The following SLC24A2 variants were observed in gnomAD, a reference collection of about 807,000 sequenced individuals.
The protein encoded by SLC24A2 is sodium/potassium/calcium exchanger 2.
In SLC24A2, 36 loss-of-function variants were observed where a neutral mutation model predicts 62.0. The ratio of observed to expected loss-of-function variants is 0.58; its 90% CI spans 0.44 to 0.77. The LOEUF (loss-of-function observed/expected upper bound fraction) is 0.77. SLC24A2 is among the 30% of genes least tolerant of loss of function. SLC24A2 has a pLI of 0.00. For synonymous variants in SLC24A2, 358 were observed against 294.0 expected, an observed-to-expected ratio of 1.22 and a Z score of -2.23; for missense variants, 846 against 817.9, an observed-to-expected ratio of 1.03 and a Z score of -0.42.
At chr9:20,181,888 T>A in the SLC24A2 span, among the ~76,000 whole-genome samples, 1 of 152,202 alleles carries the variant, frequency 6.6e-6, no homozygotes, top group Non-Finnish European at 1.5e-5. Flanking sequence ...TCTATCCATC[T>A]GACAAAGGGC....
At chr9:20,215,272 G>C in the SLC24A2 span, among the ~76,000 whole-genome samples, 1 of 152,082 alleles carries the variant, frequency 6.6e-6, no homozygotes, top group African/African-American at 2.4e-5. Context: ...ACACGCCAAA[G>C]GTCTCACATT....
chr9:19,641,358 C>T (rs1460660778), intron 2 of SLC24A2, among the ~76,000 whole-genome samples: 1 of 152,226 alleles, frequency 6.6e-6, no homozygotes, highest in African/African-American at 2.4e-5. Flanking sequence ...TGCCAACTCA[C>T]CATTTCTATT....
At chr9:20,014,210 C>T in the SLC24A2 span, among the ~76,000 whole-genome samples, 2 of 151,350 alleles carry the variant, frequency 1.3e-5, no homozygotes, top group African/African-American at 2.4e-5. Flanking sequence ...CATGTCTCAG[C>T]GGGGGAAAAA....
chr9:20,234,384 C>G, the SLC24A2 span, among the ~76,000 whole-genome samples: 4 of 152,210 alleles, frequency 2.6e-5, no homozygotes, highest in Non-Finnish European at 5.9e-5. Flanking sequence ...TAGATTTGGT[C>G]TTTTCACATA....
At chr9:19,874,984 C>T in the SLC24A2 span, among the ~76,000 whole-genome samples, 2 of 121,982 alleles carry the variant, frequency 1.6e-5, no homozygotes, top group Non-Finnish European at 3.3e-5. Flanking sequence ...CTAACTTTAT[C>T]TTCCAGAATT....
the SLC24A2 span, among the ~76,000 whole-genome samples, chr9:19,986,264 T>C: frequency 6.6e-6 from 1 of 152,062 alleles, no homozygotes; most frequent in African/African-American, 2.4e-5. Flanking sequence ...AATCAAAAAC[T>C]AGAAAATAAG....
chr9:20,175,850 C>T, the SLC24A2 span, among the ~76,000 whole-genome samples: 1 of 152,012 alleles, frequency 6.6e-6, no homozygotes, highest in African/African-American at 2.4e-5. Context: ...AGATAAATAA[C>T]TGTATGATGG....
At chr9:20,140,586 C>A in the SLC24A2 span, among the ~76,000 whole-genome samples, 2 of 152,192 alleles carry the variant, frequency 1.3e-5, no homozygotes, top group East Asian at 1.9e-4. Flanking sequence ...GCTCTCAGTT[C>A]ATCAGCTATC....
At chr9:19,633,373 A>G (rs1000048642) in intron 2 of SLC24A2, among the ~76,000 whole-genome samples, 7 of 152,224 alleles carry the variant, frequency 4.6e-5, no homozygotes, top group African/African-American at 1.4e-4. Flanking sequence ...AAAACTGCCA[A>G]ACTATTTTCC....
At chr9:19,705,953 T>C (rs1228995256) in intron 2 of SLC24A2, among the ~76,000 whole-genome samples, 1 of 151,978 alleles carries the variant, frequency 6.6e-6, no homozygotes, top group South Asian at 2.1e-4. Context: ...TTAGGTCTGC[T>C]TGGTGCAGAG....
At chr9:20,273,444 A>G in the SLC24A2 span, among the ~76,000 whole-genome samples, 3 of 152,192 alleles carry the variant, frequency 2.0e-5, no homozygotes, top group Non-Finnish European at 4.4e-5. Context: ...AGCTCCCATT[A>G]TTCCTACTTT....
chr9:19,838,455 CCACACACACACA>C, the SLC24A2 span, among the ~76,000 whole-genome samples: 16,276 of 144,802 alleles, frequency 0.11, 1,198 homozygotes, highest in African/African-American at 0.22. Context: ...AGACCTAAAA[CCACACACACACA>C]CACACACACA....
At chr9:19,592,537 CCTACCTAT>C (rs1187428434) in intron 5 of SLC24A2, among the ~76,000 whole-genome samples, 80 of 110,040 alleles carry the variant, frequency 7.3e-4, no homozygotes, top group Non-Finnish European at 1.3e-3. Flanking sequence ...TACCTACCTA[CCTACCTAT>C]CTACCTATCT....
chr9:19,525,660 T>C (rs1833413778), intron 9 of SLC24A2, among the ~76,000 whole-genome samples: 1 of 151,552 alleles, frequency 6.6e-6, no homozygotes, highest in South Asian at 2.1e-4. Context: ...TGCCTCAGCA[T>C]CCCAAAGTGC....
chr9:19,953,274 TAA>T, the SLC24A2 span, among the ~76,000 whole-genome samples: 1 of 152,020 alleles, frequency 6.6e-6, no homozygotes, highest in East Asian at 1.9e-4. Context: ...TGCACAGCTC[TAA>T]GTTAGTAAGT....
chr9:19,619,100 A>G (rs1422939074), intron 4 of SLC24A2, among the ~76,000 whole-genome samples: 1 of 152,030 alleles, frequency 6.6e-6, no homozygotes, highest in Non-Finnish European at 1.5e-5. Flanking sequence ...CCCACCCTCC[A>G]ATTGCCAAAG....
the SLC24A2 span, among the ~76,000 whole-genome samples, chr9:20,087,360 C>T: frequency 1.3e-4 from 20 of 152,098 alleles, no homozygotes; most frequent in Admixed American, 7.2e-4. Context: ...ACAATAGGAA[C>T]GTAAACAGAA....
the SLC24A2 span, among the ~76,000 whole-genome samples, chr9:20,092,781 G>A: frequency 6.6e-6 from 1 of 152,152 alleles, no homozygotes; most frequent in Non-Finnish European, 1.5e-5. Flanking sequence ...CAAATTTCTA[G>A]TAAACAATGC....
At chr9:19,677,232 T>C (rs753772343) in intron 2 of SLC24A2, among the ~76,000 whole-genome samples, 1 of 152,204 alleles carries the variant, frequency 6.6e-6, no homozygotes, top group African/African-American at 2.4e-5. Flanking sequence ...GTATACACAA[T>C]GGAATACTCT....
Sources: allele counts gnomAD v4.1 joint callset (sites outside exome capture counted in the v4.1 genomes callset), GRCh38; gene constraint gnomAD v4.1.1; transcripts MANE v1.5; gene names NCBI Gene and HGNC (gene_info 2026-07-23, HGNC 2026-07-21).